SLC38A5: variants seen among roughly 807,000 people sequenced by gnomAD.
SLC38A5 encodes sodium-coupled neutral amino acid transporter 5.
In SLC38A5, 9 loss-of-function variants were observed where a neutral mutation model predicts 34.6. The observed-to-expected ratio is 0.26, with a 90% confidence interval of 0.16 to 0.45. The LOEUF is 0.45. SLC38A5 is among the 20% of genes least tolerant of loss of function. The probability of loss-of-function intolerance (pLI) is 1.00; values close to 1 mark genes in which losing one functional copy is unlikely to be tolerated. For synonymous variants in SLC38A5, 157 were observed against 155.6 expected, an observed-to-expected ratio of 1.01 and a Z score of -0.07; for missense variants, 253 against 394.7, an observed-to-expected ratio of 0.64 and a Z score of 3.04.
intron 4 of SLC38A5, chrX:48,467,371 G>C (rs2061485270): frequency 4.8e-6 from 2 of 417,130 alleles, no homozygotes; most frequent in Non-Finnish European, 8.3e-6. Context: ...GCTGGGGAGG[G>C]GAGACGCTGC....
At chrX:48,467,434 G>A (rs2061486008) in intron 4 of SLC38A5, 1 of 426,786 alleles carries the variant, frequency 2.3e-6, no homozygotes, top group East Asian at 3.8e-5. Context: ...AACAGCTGGA[G>A]GAGAAAGGCA....
At chrX:48,461,894 C>T in intron 11 of SLC38A5, 97 bp from the exon 12 acceptor site, 1 of 1,108,229 alleles carries the variant, frequency 9.0e-7, no homozygotes, top group Non-Finnish European at 1.2e-6. Flanking sequence ...CCATATCAGA[C>T]ACATAGAAGC....
At position 48,469,423 on chromosome X, in the gene SLC38A5, CT is replaced by C. The variant is rs373750245; in HGVS notation, c.-91del. The C allele has an allele frequency of 2.2e-3, 226 of 105,070 alleles. No individual in the cohort carries two copies. Among genetic ancestry groups the C allele is most frequent in the African/African-American group, 6.4e-3 (184 of 28,882 alleles). 8.7% of individuals were successfully genotyped at this position (105,070 alleles called of 1,213,427 possible). ...CCTAGGCTCCTGCTCTGGAGCGGTACTTTTTTTTTTTTCCTGAGAAGAAATG... is the reference window on the plus strand; with the variant it reads ...CCTAGGCTCCTGCTCTGGAGCGGTACTTTTTTTTTTTCCTGAGAAGAAATG... On this transcript the variant is annotated 5_prime_UTR_variant, in exon 2 of 17. Coordinates refer to ENST00000620913, the MANE Select transcript of SLC38A5 (RefSeq NM_033518.4).
Position 48,467,777 on chromosome X carries a change from T to C in SLC38A5, c.62A>G (p.Gln21Arg). ...ACTGGGCAGGAAGCCCTCACGTTCT[T>C]GCCTGTAGCTGGATAGGGCAGGGAA... ...ALPSDAVGYRQEREGFLPSRG... is the reference protein window; with the variant it reads ...ALPSDAVGYRREREGFLPSRG... Residue 21 changes from glutamine (Q) to arginine (R), a missense_variant, in exon 4 of 17, where the codon CAA becomes CGA. Physicochemically the swap from Gln to Arg is conservative, Grantham distance 43 (BLOSUM62 1). Coordinates refer to ENST00000620913, the MANE Select transcript of SLC38A5 (RefSeq NM_033518.4). 8.3e-7 allele frequency: 1 copy of C among 1,207,754 alleles called. No individual in the cohort carries two copies. The highest frequency in any genetic ancestry group is 1.1e-6 in the Non-Finnish European group (1 of 893,661).
In SLC38A5 at chrX:48,467,081, C is replaced by T. The variant is rs2061482863; in HGVS notation, c.130-4G>A. 8.3e-7 allele frequency: 1 copy of T among 1,203,695 alleles called. No individual in the cohort carries two copies. Among genetic ancestry groups the T allele is most frequent in the Non-Finnish European group, 1.1e-6 (1 of 889,046 alleles). ...CAAACGATGTCTTCCCCTCGAACTG[C>T]ACGCAAGGAGCAAAGCCCGGGCACA... is the stretch of plus-strand genomic sequence containing the variant. On this transcript the variant is annotated splice_polypyrimidine_tract_variant and splice_region_variant and intron_variant, in intron 4 of 16. Coordinates refer to ENST00000620913, the MANE Select transcript of SLC38A5 (RefSeq NM_033518.4).
intron 4 of SLC38A5, 36 bp downstream of exon 4, chrX:48,467,674 A>G: frequency 8.5e-7 from 1 of 1,171,679 alleles, no homozygotes; most frequent in Non-Finnish European, 1.2e-6. Context: ...TAGCTGGGGA[A>G]GGTGCCACCA....
intron 8 of SLC38A5, among the ~76,000 whole-genome samples, chrX:48,464,383 G>A (rs1384520512): frequency 8.9e-6 from 1 of 112,522 alleles, no homozygotes; most frequent in Non-Finnish European, 1.9e-5. Context: ...TAAACCAATG[G>A]GAGCTAACTA....
chrX:48,458,693 C>CTCT lies in SLC38A5; in HGVS notation c.*237_*239dup, dbSNP rs1556961177. ...CCTCCTCCTCCTCCTCCTCCTCCTC[C>CTCT]TCTTCTTCCTCCTCCTCCTCCTCCC... On this transcript the variant is annotated 3_prime_UTR_variant, in exon 17 of 17. Coordinates refer to ENST00000620913, the MANE Select transcript of SLC38A5 (RefSeq NM_033518.4). 2.9e-4 allele frequency: 283 copies of CTCT among 961,340 alleles called. No individual in the cohort carries two copies. The highest frequency in any genetic ancestry group is 2.6e-3 in the African/African-American group (127 of 49,166). 79.2% of individuals were successfully genotyped at this position (961,340 alleles called of 1,213,427 possible).
chrX:48,459,117 T>C, intron 16 of SLC38A5, 83 bp from the exon 17 acceptor site: 5 of 987,432 alleles, frequency 5.1e-6, no homozygotes, highest in Non-Finnish European at 6.9e-6. Flanking sequence ...GTCTTCCACC[T>C]CCTTCAGAGA....
At chrX:48,462,635 A>G (rs1348059747) in intron 9 of SLC38A5, among the ~76,000 whole-genome samples, 3 of 102,535 alleles carry the variant, frequency 2.9e-5, no homozygotes, top group Non-Finnish European at 6.2e-5. Flanking sequence ...AAACAAAAAA[A>G]TCAATGGACC....
intron 4 of SLC38A5, 24 bp from the exon 5 acceptor site, chrX:48,467,101 G>A: frequency 8.6e-7 from 1 of 1,159,680 alleles, no homozygotes; most frequent in Non-Finnish European, 1.2e-6. Flanking sequence ...GCAAAGCCCG[G>A]GCACACATTG....
chrX:48,467,741 G>A lies in SLC38A5; in HGVS notation c.98C>T (p.Ala33Val), dbSNP rs113356034. The A allele has an allele frequency of 8.3e-7, 1 of 1,206,198 alleles. No homozygotes were observed. Among genetic ancestry groups the A allele is most frequent in the Admixed American group, 2.2e-5 (1 of 45,394 alleles). Residue 33 changes from alanine to valine, a missense_variant, in exon 4 of 17, where the codon GCT (alanine) becomes GTT (valine). Transcript: ENST00000620913. ...REGFLPSRGP[A>V]PGSKPVQFMD... ...GAACTGGACCGGCTTGCTCCCAGGA[G>A]CAGGACCACGACTGGGCAGGAAGCC...
chrX:48,463,664 C>A (rs1431523698), intron 8 of SLC38A5, among the ~76,000 whole-genome samples: 1 of 103,386 alleles, frequency 9.7e-6, no homozygotes, highest in Admixed American at 1.1e-4. Context: ...GTAATCCCAG[C>A]TACTCGCGAG....
In SLC38A5 at chrX:48,458,981, A is replaced by G. The variant is rs1007004245; in HGVS notation, c.1371T>C (p.Phe457=). 4 of 1,195,479 alleles carry G rather than the reference A, an allele frequency of 3.3e-6. No homozygotes were observed. In the African/African-American group the frequency reaches 5.2e-5, roughly 16 times the overall value. The change falls in exon 17 of 17, where the codon TTT becomes TTC. Residue 457 remains phenylalanine, a synonymous_variant. Transcript: ENST00000620913. Reference sequence around the variant, plus strand: ...GGCCTGTGGCCCAGTTGGCAAACATAAAGCCTAGACTGACGGCCATGAAGA... The same window carrying G: ...GGCCTGTGGCCCAGTTGGCAAACATGAAGCCTAGACTGACGGCCATGAAGA... ...GVLFMAVSLG[F]MFANWATGQS... is the part of the protein sequence containing the mutation.
chrX:48,467,592 G>T, intron 4 of SLC38A5, 118 bp downstream of exon 4: 1 of 702,230 alleles, frequency 1.4e-6, no homozygotes, highest in Non-Finnish European at 2.2e-6. Flanking sequence ...TAGCTGTGCT[G>T]GGGAGATAGC....
intron 9 of SLC38A5, 55 bp from the exon 10 acceptor site, chrX:48,462,346 C>T: frequency 8.8e-7 from 1 of 1,132,626 alleles, no homozygotes; most frequent in Non-Finnish European, 1.2e-6. Context: ...GTGGCTCACA[C>T]CTATAATCCT....
chrX:48,459,722 G>A lies in SLC38A5; in HGVS notation c.1213+10C>T, dbSNP rs781796387. On this transcript the variant is annotated intron_variant, in intron 15 of 16. Transcript: ENST00000620913. ...AGATGGGGTATGGGACTGGGGTGAG[G>A]TTTACTGACCGATAACTCCAAAGAT... 4 of 1,209,679 alleles carry A rather than the reference G, an allele frequency of 3.3e-6. No homozygotes were observed. Among genetic ancestry groups the A allele is most frequent in the Non-Finnish European group, 2.2e-6 (2 of 894,525 alleles).
chrX:48,462,361 C>T (rs2061440566), intron 9 of SLC38A5, 70 bp from the exon 10 acceptor site: 1 of 1,074,147 alleles, frequency 9.3e-7, no homozygotes, highest in Non-Finnish European at 1.3e-6. Context: ...AATCCTAGCG[C>T]TTTGGGAGGC....
intron 9 of SLC38A5, 75 bp downstream of exon 9, chrX:48,462,823 T>C: frequency 1.2e-6 from 1 of 820,519 alleles, no homozygotes; most frequent in South Asian, 2.5e-5. Context: ...CCCTTGAAAA[T>C]GAATGGGGGT....
Sources: allele counts gnomAD v4.1 joint callset (sites outside exome capture counted in the v4.1 genomes callset), GRCh38; gene constraint gnomAD v4.1.1; transcripts MANE v1.5; gene names NCBI Gene and HGNC (gene_info 2026-07-23, HGNC 2026-07-21).